Variants in RTN4RL1 observed in about 807,000 individuals in gnomAD.
RTN4RL1 encodes the protein reticulon 4 receptor like 1.
In RTN4RL1, 7 loss-of-function variants were observed where a neutral mutation model predicts 25.6. That is an observed-to-expected ratio of 0.27 (90% CI 0.16 to 0.51). RTN4RL1 has a LOEUF of 0.51. Ranked by LOEUF, RTN4RL1 falls within the 20% of genes least tolerant of loss-of-function variation. The pLI is 0.97. For synonymous variants in RTN4RL1, 297 were observed against 288.2 expected, an observed-to-expected ratio of 1.03 and a Z score of -0.31; for missense variants, 500 against 615.6, an observed-to-expected ratio of 0.81 and a Z score of 1.99.
intron 1 of RTN4RL1, among the ~76,000 whole-genome samples, chr17:1,940,864 T>C (rs1197015650): frequency 6.6e-6 from 1 of 152,160 alleles, no homozygotes; most frequent in Non-Finnish European, 1.5e-5. Context: ...AGGGTGTTCA[T>C]GGTGTTCACT....
intron 1 of RTN4RL1, among the ~76,000 whole-genome samples, chr17:1,991,824 C>T (rs560695766): frequency 6.6e-6 from 1 of 152,322 alleles, no homozygotes; most frequent in African/African-American, 2.4e-5. Flanking sequence ...TCTGAACTTG[C>T]ATGCTCCCAC....
intron 1 of RTN4RL1, among the ~76,000 whole-genome samples, chr17:1,939,978 G>T (rs966579026): frequency 2.0e-5 from 3 of 152,220 alleles, no homozygotes; most frequent in African/African-American, 4.8e-5. Flanking sequence ...CCCAGAGCTT[G>T]TGGGATGAGA....
chr17:1,997,330 TCGTCCTCAGCCAG>T (rs2066933697), intron 1 of RTN4RL1, among the ~76,000 whole-genome samples: 1 of 152,196 alleles, frequency 6.6e-6, no homozygotes, highest in Admixed American at 6.5e-5. Context: ...CCCCAACCCA[TCGTCCTCAGCCAG>T]CTCCAGGACC....
rs1025832007 is a variant in RTN4RL1, at chr17:1,936,169, C to T, written c.*327G>A. ...TCGGGATTCCACAGAGCCCCGGTGC[C>T]GCCGTCGGGGGCAATTGTCCCACTG... On this transcript the variant is annotated 3_prime_UTR_variant, in exon 2 of 2. Coordinates refer to ENST00000331238, the MANE Select transcript of RTN4RL1 (RefSeq NM_178568.4). The T allele has an allele frequency of 1.2e-5, 14 of 1,143,406 alleles. No homozygotes were observed. The East Asian group carries it at 2.5e-4, about 20-fold the overall frequency. The allele number at this position is 1,143,406 out of a possible 1,614,324, so 70.8% of individuals were successfully genotyped here.
At chr17:1,950,389 T>C (rs1915648399) in intron 1 of RTN4RL1, among the ~76,000 whole-genome samples, 1 of 151,926 alleles carries the variant, frequency 6.6e-6, no homozygotes. Context: ...ACTGGAGGAA[T>C]AAAACAGGAA....
At chr17:1,954,909 A>G (rs1915759846) in intron 1 of RTN4RL1, among the ~76,000 whole-genome samples, 1 of 152,184 alleles carries the variant, frequency 6.6e-6, no homozygotes, top group Non-Finnish European at 1.5e-5. Flanking sequence ...AGGGTAGGTA[A>G]CTTATGCTTA....
chr17:1,967,887 C>T (rs928755306), intron 1 of RTN4RL1, among the ~76,000 whole-genome samples: 10 of 152,150 alleles, frequency 6.6e-5, no homozygotes, highest in East Asian at 1.9e-4. Context: ...GTGATCCACT[C>T]GCCTCAGCCT....
intron 1 of RTN4RL1, among the ~76,000 whole-genome samples, chr17:1,951,282 A>G (rs1007513091): frequency 1.3e-5 from 2 of 151,994 alleles, no homozygotes; most frequent in African/African-American, 4.8e-5. Context: ...AAAATATTAA[A>G]TTTTATTAAC....
At chr17:2,002,526 T>G (rs2066966310) in intron 1 of RTN4RL1, among the ~76,000 whole-genome samples, 1 of 150,602 alleles carries the variant, frequency 6.6e-6, no homozygotes, top group South Asian at 2.1e-4. Context: ...TCTCCTGACC[T>G]CGTGATCCGC....
intron 1 of RTN4RL1, among the ~76,000 whole-genome samples, chr17:1,997,403 C>G (rs926296289): frequency 6.6e-6 from 1 of 152,170 alleles, no homozygotes; most frequent in African/African-American, 2.4e-5. Flanking sequence ...ATCACATTAA[C>G]AGTTTTATTC....
At chr17:1,939,803 A>C (rs1915403614) in intron 1 of RTN4RL1, among the ~76,000 whole-genome samples, 1 of 152,074 alleles carries the variant, frequency 6.6e-6, no homozygotes, top group Non-Finnish European at 1.5e-5. Context: ...AGGCGCGCCG[A>C]GGTTGGGGGG....
Position 1,937,165 on chromosome 17 carries a change from G to T in RTN4RL1, c.657C>A (p.Asp219Glu), listed in dbSNP as rs773917232. ...LQWVHHKAFH[D>E]LRRLTTLFLF... ...GGAAGAGGGTGGTCAGCCTGCGGAGGTCGTGGAACGCCTTGTGGTGGACCC... is the reference window on the plus strand; with the variant it reads ...GGAAGAGGGTGGTCAGCCTGCGGAGTTCGTGGAACGCCTTGTGGTGGACCC... Residue 219 changes from aspartate to glutamate, a missense_variant, in exon 2 of 2, where the codon GAC becomes GAA. Coordinates refer to ENST00000331238, the MANE Select transcript of RTN4RL1 (RefSeq NM_178568.4). 6.2e-7 allele frequency: 1 copy of T among 1,612,484 alleles called. No homozygotes were observed.
intron 1 of RTN4RL1, among the ~76,000 whole-genome samples, chr17:1,973,091 G>A (rs894542089): frequency 1.3e-5 from 2 of 152,168 alleles, no homozygotes; most frequent in African/African-American, 2.4e-5. Flanking sequence ...GGCTGGGCAC[G>A]GCGGCTCATG....
chr17:1,955,129 C>A (rs1367188867), intron 1 of RTN4RL1, among the ~76,000 whole-genome samples: 1 of 152,196 alleles, frequency 6.6e-6, no homozygotes, highest in East Asian at 1.9e-4. Flanking sequence ...CGAGCCCCTG[C>A]CAGTCTGTGA....
intron 1 of RTN4RL1, among the ~76,000 whole-genome samples, chr17:1,972,467 G>A (rs1046914193): frequency 6.6e-6 from 1 of 151,972 alleles, no homozygotes. Flanking sequence ...TAGATTTCTG[G>A]CCGCTCTCAG....
chr17:1,952,435 C>T (rs144901620), intron 1 of RTN4RL1, among the ~76,000 whole-genome samples: 165 of 148,798 alleles, frequency 1.1e-3, no homozygotes, highest in African/African-American at 3.8e-3. Flanking sequence ...CTCCCGGGTT[C>T]GAGTGATTCT....
At chr17:2,008,043 C>T (rs1000536623) in intron 1 of RTN4RL1, among the ~76,000 whole-genome samples, 3 of 151,936 alleles carry the variant, frequency 2.0e-5, no homozygotes, top group Non-Finnish European at 2.9e-5. Context: ...GAGGCCGAGG[C>T]GGGCGGATCA....
rs1915300377 is a variant in RTN4RL1 at position 1,936,230 on chromosome 17, C to T, written c.*266G>A. The T allele has an allele frequency of 1.6e-6, 2 of 1,284,612 alleles. No homozygotes were observed. Among genetic ancestry groups the T allele is most frequent in the Admixed American group, 7.6e-5 (2 of 26,454 alleles). The allele number at this position is 1,284,612 out of a possible 1,614,324, so 79.6% of individuals were successfully genotyped here. A position where few individuals can be genotyped will look rare whatever the true frequency, so the allele number is the denominator to read the frequency against. Reference sequence around the variant, plus strand: ...AGGATGCACTTGGAGTGCCTTTTCCCACCTTGCCAGAGTGGACACTGTCCG... The same window carrying T: ...AGGATGCACTTGGAGTGCCTTTTCCTACCTTGCCAGAGTGGACACTGTCCG... On this transcript the variant is annotated 3_prime_UTR_variant, in exon 2 of 2. Coordinates refer to ENST00000331238, the MANE Select transcript of RTN4RL1 (RefSeq NM_178568.4).
chr17:1,956,763 G>A (rs1325762141), intron 1 of RTN4RL1, among the ~76,000 whole-genome samples: 1 of 137,888 alleles, frequency 7.3e-6, no homozygotes, highest in South Asian at 2.4e-4. Context: ...TTTTTTTTAA[G>A]ATGGAGTCTC....
Sources: allele counts gnomAD v4.1 joint callset (sites outside exome capture counted in the v4.1 genomes callset), GRCh38; gene constraint gnomAD v4.1.1; transcripts MANE v1.5; gene names NCBI Gene and HGNC (gene_info 2026-07-23, HGNC 2026-07-21).